Variants in LAMA2 observed in about 807,000 individuals in gnomAD.
LAMA2 encodes laminin subunit alpha-2.
In LAMA2, 269 loss-of-function variants were observed where a neutral mutation model predicts 364.8. The observed-to-expected ratio is 0.74, with a 90% CI of 0.67 to 0.82. LAMA2 has a LOEUF of 0.82. Among genes scored for constraint, LAMA2 ranks in the 40% least tolerant of loss-of-function variants. The probability of loss-of-function intolerance (pLI) is 0.00; values close to 1 mark genes in which losing one functional copy is unlikely to be tolerated. For synonymous variants in LAMA2, 1,379 were observed against 1,370.6 expected (o/e 1.01, Z -0.14); for missense variants, 3,807 against 3,873.2 (o/e 0.98, Z 0.45).
chr6:129,399,805 G>A (rs1477997597), intron 37 of LAMA2, among the ~76,000 whole-genome samples: 2 of 152,088 alleles, frequency 1.3e-5, no homozygotes, highest in Non-Finnish European at 2.9e-5. Flanking sequence ...AAGGAAAGAA[G>A]GGTATGAAAT....
chr6:129,132,906 A>G (rs1777575497), intron 4 of LAMA2, among the ~76,000 whole-genome samples: 1 of 152,228 alleles, frequency 6.6e-6, no homozygotes, highest in Non-Finnish European at 1.5e-5. Flanking sequence ...AATTGTCTAA[A>G]TTCACACAGA....
At chr6:129,329,366 G>GT (rs1297630069) in intron 29 of LAMA2, among the ~76,000 whole-genome samples, 126 of 148,792 alleles carry the variant, frequency 8.5e-4, no homozygotes, top group Non-Finnish European at 1.3e-3. Flanking sequence ...TCACCTTTTT[G>GT]TTTTTTTTTT....
intron 2 of LAMA2, among the ~76,000 whole-genome samples, chr6:129,053,938 T>G (rs1168697755): frequency 2.0e-5 from 3 of 152,128 alleles, no homozygotes; most frequent in South Asian, 2.1e-4. Flanking sequence ...GGCAGGGAAG[T>G]TGAAGACCAA....
intron 4 of LAMA2, among the ~76,000 whole-genome samples, chr6:129,120,105 C>T (rs372776428): frequency 1.3e-5 from 2 of 152,112 alleles, no homozygotes; most frequent in African/African-American, 4.8e-5. Context: ...ATGTCTAGAA[C>T]ATTTTAAAGT....
At chr6:129,484,524 T>A (rs9372933) in intron 55 of LAMA2, among the ~76,000 whole-genome samples, 96,143 of 151,974 alleles carry the variant, frequency 0.63, 31,396 homozygotes, top group Middle Eastern at 0.72. Flanking sequence ...ACAACCCAAG[T>A]GTTCATCAGC....
chr6:129,280,285 C>T, intron 18 of LAMA2, 138 bp downstream of exon 18: 1 of 685,704 alleles, frequency 1.5e-6, no homozygotes. Flanking sequence ...TCTCAACGCA[C>T]TTGTCAAACA....
chr6:129,397,153 A>G (rs931228546), intron 37 of LAMA2, among the ~76,000 whole-genome samples: 3 of 152,162 alleles, frequency 2.0e-5, no homozygotes, highest in African/African-American at 7.2e-5. Context: ...TAAAGATCTA[A>G]TTAATTACAA....
intron 32 of LAMA2, among the ~76,000 whole-genome samples, chr6:129,364,995 T>C (rs2114616918): frequency 6.6e-6 from 1 of 152,260 alleles, no homozygotes; most frequent in African/African-American, 2.4e-5. Context: ...CATGAGAACA[T>C]CACTAGGGCG....
chr6:129,393,165 T>G lies in LAMA2; in HGVS notation c.5355T>G (p.Asp1785Glu). 1 of 1,614,084 alleles carries G rather than the reference T, an allele frequency of 6.2e-7. No individual in the cohort carries two copies. The highest frequency in any genetic ancestry group is 1.1e-5 in the South Asian group (1 of 91,086). The change falls in exon 37 of 65, where the codon GAT (aspartate) becomes GAG (glutamate). Residue 1785 changes from aspartate (D) to glutamate (E), a missense_variant. Around this residue, in one of 3 missense-constraint regions of LAMA2, gnomAD observed 3,333 missense variants for 3,345.7 expected, o/e 1.00. Transcript: ENST00000421865. ...CTGACTACAAAAACAAAGTTGATGA[T>G]GCTTGGGACCTTTTGAGAGAAGCCA... ...KLADYKNKVD[D>E]AWDLLREATD...
At chr6:129,057,469 T>G (rs992172268) in intron 2 of LAMA2, among the ~76,000 whole-genome samples, 2 of 152,236 alleles carry the variant, frequency 1.3e-5, no homozygotes, top group African/African-American at 2.4e-5. Context: ...TGATGCTTTA[T>G]TAAATGATAG....
At chr6:129,471,682 G>A (rs979613573) in intron 51 of LAMA2, among the ~76,000 whole-genome samples, 17 of 151,892 alleles carry the variant, frequency 1.1e-4, no homozygotes, top group African/African-American at 3.9e-4. Flanking sequence ...TCCAGTCAAG[G>A]AGATATATGT....
At chr6:128,949,781 T>C (rs1780699051) in intron 1 of LAMA2, among the ~76,000 whole-genome samples, 1 of 152,206 alleles carries the variant, frequency 6.6e-6, no homozygotes, top group Admixed American at 6.5e-5. Context: ...TTTGTAGACA[T>C]ATTTAAAATG....
chr6:129,427,653 T>C (rs1331047091), intron 40 of LAMA2, 99 bp from the exon 41 acceptor site: 3 of 842,166 alleles, frequency 3.6e-6, no homozygotes, highest in East Asian at 2.4e-5. Context: ...CCCAGAGCTC[T>C]TTCCTAAAGG....
intron 9 of LAMA2, among the ~76,000 whole-genome samples, chr6:129,173,376 C>A (rs990974551): frequency 6.6e-6 from 1 of 152,140 alleles, no homozygotes; most frequent in South Asian, 2.1e-4. Flanking sequence ...GTTTCTTCTA[C>A]GATATCTTTA....
chr6:128,928,000 C>T lies in LAMA2; in HGVS notation c.112+44643C>T, dbSNP rs577312444. Among the ~76,000 whole-genome samples the T allele has an allele frequency of 4.6e-5, 7 of 152,294 alleles. No individual in the cohort carries two copies. The South Asian group carries it at 1.4e-3, about 32-fold the overall frequency. On this transcript the variant is annotated intron_variant, in intron 1 of 64. Coordinates refer to ENST00000421865, the MANE Select transcript of LAMA2 (RefSeq NM_000426.4). ...TCTGTAAAGTACAGGAAATACTGAG[C>T]TACACTGGAAAGCCTCTCTGGGACA... is the stretch of plus-strand genomic sequence containing the variant.
intron 12 of LAMA2, among the ~76,000 whole-genome samples, chr6:129,220,164 TG>T (rs1345527446): frequency 3.3e-5 from 5 of 152,170 alleles, no homozygotes; most frequent in African/African-American, 1.2e-4. Flanking sequence ...TTATATTTTT[TG>T]CACAACTAAG....
chr6:129,510,744 C>T (rs1185010993), intron 62 of LAMA2, among the ~76,000 whole-genome samples: 2 of 152,008 alleles, frequency 1.3e-5, no homozygotes, highest in African/African-American at 4.8e-5. Flanking sequence ...AGCATTTGAG[C>T]AAGGCTTCAG....
intron 1 of LAMA2, among the ~76,000 whole-genome samples, chr6:128,916,163 A>G (rs546968285): frequency 2.0e-5 from 3 of 152,162 alleles, no homozygotes; most frequent in Non-Finnish European, 2.9e-5. Flanking sequence ...GCAATTTTCA[A>G]TAGCAGTTTA....
At chr6:128,961,200 T>G (rs1210873537) in intron 1 of LAMA2, among the ~76,000 whole-genome samples, 1 of 150,328 alleles carries the variant, frequency 6.7e-6, no homozygotes, top group Non-Finnish European at 1.5e-5. Context: ...ACTTTTTCAT[T>G]TTTAGTATGA....
Sources: gnomAD v4.1 joint callset for allele counts (sites outside exome capture counted in the v4.1 genomes callset) on GRCh38, gnomAD v4.1.1 for gene constraint, gnomAD v4.1.1 regional missense constraint, MANE v1.5 for transcripts, NCBI Gene and HGNC (gene_info 2026-07-23, HGNC 2026-07-21) for gene names.